Variants in COL18A1 observed in about 807,000 individuals in gnomAD.
The protein encoded by COL18A1 is collagen type XVIII alpha 1 chain.
Under a neutral mutation model 168.0 loss-of-function variants are expected in COL18A1, and 133 were observed. That is an observed-to-expected ratio of 0.79 (90% confidence interval 0.69 to 0.91). The LOEUF is 0.91. Among genes scored for constraint, COL18A1 ranks in the 40% least tolerant of loss-of-function variants. The pLI is 0.00. For missense variants in COL18A1, 2,126 were observed against 1,925.4 expected, an observed-to-expected ratio of 1.10 and a Z score of -1.95; for synonymous variants, 949 against 809.0, an observed-to-expected ratio of 1.17 and a Z score of -2.94.
intron 2 of COL18A1, among the ~76,000 whole-genome samples, chr21:45,416,359 G>A (rs538754126): frequency 5.3e-4 from 80 of 152,230 alleles, no homozygotes; most frequent in Non-Finnish European, 1.1e-3. Context: ...GCCGGTGTGG[G>A]GGTGGCCGGG....
intron 37 of COL18A1, chr21:45,506,961 CAG>C: frequency 7.5e-6 from 2 of 265,356 alleles, no homozygotes; most frequent in Non-Finnish European, 1.5e-5. Context: ...CACTGTGTGC[CAG>C]GTGTGCTTGT....
intron 2 of COL18A1, among the ~76,000 whole-genome samples, chr21:45,451,656 CAG>C (rs2145839674): frequency 6.6e-6 from 1 of 152,314 alleles, no homozygotes; most frequent in East Asian, 1.9e-4. Flanking sequence ...CAGGAGCGCT[CAG>C]AGGGGAAGGC....
chr21:45,512,209 T>G lies in COL18A1; in HGVS notation c.3831T>G (p.His1277Gln). Reference protein sequence around the residue: ...HPTWPQKSVWHGSDPNGRRLT... With the variant: ...HPTWPQKSVWQGSDPNGRRLT... ...ACAGGCCCCAGAAGAGCGTGTGGCA[T>G]GGCTCGGACCCCAACGGGCGCAGGC... Residue 1277 changes from histidine to glutamine, a missense_variant, in exon 42 of 42, where the codon CAT becomes CAG. Coordinates refer to ENST00000651438, the MANE Select transcript of COL18A1 (RefSeq NM_001379500.1). 2 of 1,612,432 alleles carry G rather than the reference T, an allele frequency of 1.2e-6. No individual in the cohort carries two copies. Among genetic ancestry groups the G allele is most frequent in the Non-Finnish European group, 1.7e-6 (2 of 1,179,692 alleles).
intron 5 of COL18A1, 124 bp from the exon 6 acceptor site, chr21:45,476,227 C>G: frequency 7.0e-7 from 1 of 1,430,120 alleles, no homozygotes; most frequent in South Asian, 1.2e-5. Flanking sequence ...GGAGCACCCT[C>G]CTGTTTCAGA....
chr21:45,496,102 C>T, intron 29 of COL18A1: 3 of 386,132 alleles, frequency 7.8e-6, no homozygotes, highest in African/African-American at 2.1e-5. Context: ...GCCCTCCATG[C>T]CCTCCATGCC....
Position 45,475,502 on chromosome 21 carries a change from C to T in COL18A1, c.765C>T (p.Leu255=), listed in dbSNP as rs754981185. 1.8e-5 allele frequency: 29 copies of T among 1,606,432 alleles called. 1 individual carries two copies. The highest frequency in any genetic ancestry group is 6.7e-5 in the South Asian group (6 of 89,770). ...CATCCGGAGACTCTGGCAGCGGGCT[C>T]GGGGACGCCCGGGAGCTTCTCAGGG... ...DGASGDSGSG[L]GDARELLREE... The change falls in exon 5 of 42, where the codon CTC becomes CTT. Residue 255 remains leucine (L), a synonymous_variant. Coordinates refer to ENST00000651438, the MANE Select transcript of COL18A1 (RefSeq NM_001379500.1).
At chr21:45,436,941 C>T (rs79202927) in intron 2 of COL18A1, among the ~76,000 whole-genome samples, 18 of 146,066 alleles carry the variant, frequency 1.2e-4, no homozygotes, top group Admixed American at 2.7e-4. Flanking sequence ...CCGGGCTGCG[C>T]GGGGCCCTGG....
chr21:45,406,851 G>C (rs2033127542), intron 2 of COL18A1, among the ~76,000 whole-genome samples: 1 of 152,266 alleles, frequency 6.6e-6, no homozygotes, highest in African/African-American at 2.4e-5. Flanking sequence ...GCTTTGGTGA[G>C]ATGCAATCTT....
rs9976834 is a variant in COL18A1, at chr21:45,477,300, C to T, written c.929-111C>T. On this transcript the variant is annotated intron_variant, in intron 6 of 41. Transcript: ENST00000651438. ...GGCTGGGGATCTGACAGTGTCCAGC[C>T]GGGCTCCAGGACTGAAAGCGTTTGG... 0.17 allele frequency: 138,883 copies of T among 805,674 alleles called. 12,641 individuals are homozygous for T. The highest frequency in any genetic ancestry group is 0.2 in the Middle Eastern group (589 of 2,942). The allele number at this position is 805,674 out of a possible 1,614,324, so 49.9% of individuals were successfully genotyped here.
At chr21:45,506,132 T>A in intron 37 of COL18A1, 166 bp downstream of exon 37, 1 of 1,090,712 alleles carries the variant, frequency 9.2e-7, no homozygotes, top group Non-Finnish European at 1.3e-6. Flanking sequence ...AATACTTTTG[T>A]GAGCAGTTTT....
intron 2 of COL18A1, among the ~76,000 whole-genome samples, chr21:45,422,886 T>C (rs75016799): frequency 0.045 from 6,774 of 152,030 alleles, 187 homozygotes; most frequent in East Asian, 0.093. Flanking sequence ...CTCCTGGGTT[T>C]GAGAGATTCT....
At chr21:45,475,617 C>T (rs1053957319) in intron 5 of COL18A1, 82 bp downstream of exon 5, 20 of 1,196,094 alleles carry the variant, frequency 1.7e-5, no homozygotes, top group African/African-American at 6.0e-5. Context: ...CATGTGCACA[C>T]GCAGGTGTGG....
rs565489112 is a variant in COL18A1 at position 45,509,585 on chromosome 21, G to A, written c.3479G>A (p.Arg1160His). ...ACAAGCCCACCCGCCCACAGCCACC[G>A]CGACTTCCAGCCGGTGGTGAGTGCC... Reference protein sequence around the residue: ...RPTSPPAHSHRDFQPVLHLVA... With the variant: ...RPTSPPAHSHHDFQPVLHLVA... Residue 1160 changes from arginine to histidine, a missense_variant, in exon 39 of 42, where the codon CGC becomes CAC. Arg to His is a conservative substitution (Grantham distance 29). Transcript: ENST00000651438. The A allele has an allele frequency of 1.0e-4, 154 of 1,510,772 alleles. 2 individuals carry two copies. The Admixed American group carries it at 2.3e-3, about 22-fold the overall frequency. 93.6% of individuals were successfully genotyped at this position (1,510,772 alleles called of 1,614,324 possible). A position where few individuals can be genotyped will look rare whatever the true frequency, so the allele number is the denominator to read the frequency against.
chr21:45,477,808 G>GC lies in COL18A1; in HGVS notation c.1070dup (p.Gly358ArgfsTer55), dbSNP rs1555860555. On this transcript the variant is annotated frameshift_variant, in exon 8 of 42. Coordinates refer to ENST00000651438, the MANE Select transcript of COL18A1 (RefSeq NM_001379500.1). LOFTEE classifies it high-confidence loss of function. ...GTTCCGGGCCCACCTGGCCGGGCAG[G>GC]CCCCCCAGGATCCCCATGCCTACCT... The GC allele has an allele frequency of 1.3e-6, 2 of 1,550,594 alleles. No individual in the cohort carries two copies. The highest frequency in any genetic ancestry group is 1.7e-4 in the Middle Eastern group (1 of 5,970).
chr21:45,485,180 T>TTTTTTTTTTA (rs2036067199), intron 15 of COL18A1, among the ~76,000 whole-genome samples: 1 of 134,108 alleles, frequency 7.5e-6, no homozygotes, highest in East Asian at 2.1e-4. Flanking sequence ...TTTTTTTTTT[T>TTTTTTTTTTA]AGTAGAGGCA....
intron 33 of COL18A1, 146 bp downstream of exon 33, chr21:45,504,200 C>T (rs925809373): frequency 3.1e-5 from 31 of 1,009,504 alleles, no homozygotes; most frequent in African/African-American, 8.0e-5. Context: ...GTGTCGAGGG[C>T]GTCCCTCAGG....
chr21:45,510,314 T>C, intron 40 of COL18A1, 53 bp downstream of exon 40: 1 of 1,537,282 alleles, frequency 6.5e-7, no homozygotes, highest in South Asian at 1.2e-5. Context: ...ACTTGACCTC[T>C]GGGGTGAACT....
intron 2 of COL18A1, among the ~76,000 whole-genome samples, chr21:45,415,522 G>A (rs890893859): frequency 2.0e-4 from 31 of 152,192 alleles, no homozygotes; most frequent in African/African-American, 6.8e-4. Flanking sequence ...GCGGCGGAGC[G>A]GGGCTGTGAA....
At chr21:45,495,737 C>T (rs897746579) in intron 29 of COL18A1, 16 of 401,998 alleles carry the variant, frequency 4.0e-5, no homozygotes, top group Non-Finnish European at 6.2e-5. Context: ...CACATCCACA[C>T]GTGCTCATGT....
Sources: allele counts gnomAD v4.1 joint callset (sites outside exome capture counted in the v4.1 genomes callset), GRCh38; gene constraint gnomAD v4.1.1; transcripts MANE v1.5; gene names NCBI Gene and HGNC (gene_info 2026-07-23, HGNC 2026-07-21).